The following ELOVL5 variants were observed in gnomAD, a reference collection of about 807,000 sequenced individuals.
ELOVL5 encodes the protein ELOVL fatty acid elongase 5, also known as very long chain fatty acid elongase 5.
A neutral mutation model predicts 38.6 loss-of-function variants in ELOVL5; 8 were observed. That is an observed-to-expected ratio of 0.21 (90% CI 0.12 to 0.37). ELOVL5 has a LOEUF of 0.37. Ranked by LOEUF, ELOVL5 falls within the 10% of genes least tolerant of loss-of-function variation. ELOVL5 has a pLI of 1.00. For missense variants in ELOVL5, 280 were observed against 367.8 expected (o/e 0.76, Z 1.95); for synonymous variants, 127 against 133.7 (o/e 0.95, Z 0.34).
intron 6 of ELOVL5, among the ~76,000 whole-genome samples, chr6:53,271,436 G>A (rs1191540795): frequency 1.3e-5 from 2 of 152,172 alleles, no homozygotes; most frequent in African/African-American, 4.8e-5. Context: ...GGTAGTCCCA[G>A]CTACTTGGGA....
At chr6:53,323,339 C>A (rs209500) in intron 1 of ELOVL5, among the ~76,000 whole-genome samples, 60,102 of 151,968 alleles carry the variant, frequency 0.4, 14,110 homozygotes, top group East Asian at 0.58. Context: ...TTAATTACAA[C>A]GTTTATGTGA....
chr6:53,348,003 C>G (rs1769637919), intron 1 of ELOVL5, among the ~76,000 whole-genome samples: 1 of 144,638 alleles, frequency 6.9e-6, no homozygotes, highest in African/African-American at 2.5e-5. Context: ...CTCTAGCTCC[C>G]CCGGCGCAGA....
At chr6:53,280,224 G>A (rs1039961919) in intron 3 of ELOVL5, among the ~76,000 whole-genome samples, 5 of 152,166 alleles carry the variant, frequency 3.3e-5, no homozygotes, top group Admixed American at 6.5e-5. Context: ...GAATCAGATC[G>A]AAAGAGGACA....
chr6:53,277,282 T>G (rs1339601619), intron 3 of ELOVL5, among the ~76,000 whole-genome samples: 1 of 152,052 alleles, frequency 6.6e-6, no homozygotes, highest in Non-Finnish European at 1.5e-5. Flanking sequence ...ATCTGATTTT[T>G]CTTTGGTTAT....
At chr6:53,323,488 A>G (rs1768378503) in intron 1 of ELOVL5, among the ~76,000 whole-genome samples, 1 of 151,856 alleles carries the variant, frequency 6.6e-6, no homozygotes, top group African/African-American at 2.4e-5. Context: ...CAGTGATAAC[A>G]TGATCTCAGT....
rs1581951507 is a variant in ELOVL5, at chr6:53,302,015, G to A, written c.-8-6308C>T. Among the ~76,000 whole-genome samples, 3 of 152,212 alleles carry A rather than the reference G, an allele frequency of 2.0e-5. No individual in the cohort carries two copies. The South Asian group carries it at 6.2e-4, about 32-fold the overall frequency. ...CCCCACCACCATGGATCAGTTCTGCGCTCCTGGCTAGTTCCCTCCCCATGT... is the reference window on the plus strand; with the variant it reads ...CCCCACCACCATGGATCAGTTCTGCACTCCTGGCTAGTTCCCTCCCCATGT... On this transcript the variant is annotated intron_variant, in intron 1 of 7. Transcript: ENST00000304434.
At chr6:53,292,410 T>A (rs1338159846) in intron 2 of ELOVL5, among the ~76,000 whole-genome samples, 2 of 152,246 alleles carry the variant, frequency 1.3e-5, no homozygotes, top group Non-Finnish European at 2.9e-5. Flanking sequence ...ACGTGCTGCT[T>A]AGCCACGTTA....
At chr6:53,280,787 G>T (rs1226760973) in intron 3 of ELOVL5, among the ~76,000 whole-genome samples, 1 of 152,108 alleles carries the variant, frequency 6.6e-6, no homozygotes, top group African/African-American at 2.4e-5. Context: ...TAAAGATGGG[G>T]TTTCACCATG....
intron 1 of ELOVL5, among the ~76,000 whole-genome samples, chr6:53,344,327 C>T (rs941472172): frequency 6.6e-6 from 1 of 152,152 alleles, no homozygotes; most frequent in African/African-American, 2.4e-5. Context: ...CAGTCTCTCA[C>T]AATTACCTCT....
At chr6:53,302,738 G>A (rs1767308729) in intron 1 of ELOVL5, among the ~76,000 whole-genome samples, 1 of 149,882 alleles carries the variant, frequency 6.7e-6, no homozygotes, top group South Asian at 2.1e-4. Context: ...AAACAGTAAA[G>A]ATATTTTTAG....
At chr6:53,316,602 C>T (rs9349662) in intron 1 of ELOVL5, among the ~76,000 whole-genome samples, 55,114 of 151,540 alleles carry the variant, frequency 0.36, 11,142 homozygotes, top group African/African-American at 0.55. Context: ...GTTAAAAAAA[C>T]GACTGCAAGA....
At chr6:53,274,626 C>T (rs561367709) in intron 5 of ELOVL5, among the ~76,000 whole-genome samples, 2 of 152,186 alleles carry the variant, frequency 1.3e-5, no homozygotes, top group African/African-American at 4.8e-5. Context: ...ATAGAAGACA[C>T]CTTGATCACC....
intron 1 of ELOVL5, among the ~76,000 whole-genome samples, chr6:53,329,387 G>C (rs964022960): frequency 1.3e-5 from 2 of 151,950 alleles, no homozygotes; most frequent in African/African-American, 2.4e-5. Flanking sequence ...TTTAAAATTG[G>C]TTTCTAATAA....
At chr6:53,310,680 A>G (rs550421551) in intron 1 of ELOVL5, among the ~76,000 whole-genome samples, 1 of 152,264 alleles carries the variant, frequency 6.6e-6, no homozygotes, top group Admixed American at 6.5e-5. Flanking sequence ...GGCTCAAGCA[A>G]TCTGCCTGCC....
intron 1 of ELOVL5, among the ~76,000 whole-genome samples, chr6:53,343,638 CATTTTAAAGGAA>C (rs1261818810): frequency 6.6e-6 from 1 of 152,174 alleles, no homozygotes; most frequent in Non-Finnish European, 1.5e-5. Context: ...TTTAATCTTT[CATTTTAAAGGAA>C]AAGAGACCAA....
chr6:53,311,171 G>A (rs564648056), intron 1 of ELOVL5, among the ~76,000 whole-genome samples: 1 of 152,266 alleles, frequency 6.6e-6, no homozygotes, highest in East Asian at 1.9e-4. Flanking sequence ...CCTAGAGACA[G>A]CCAACTGACA....
chr6:53,313,448 C>T (rs562334009), intron 1 of ELOVL5, among the ~76,000 whole-genome samples: 53 of 152,264 alleles, frequency 3.5e-4, no homozygotes, highest in Non-Finnish European at 6.3e-4. Flanking sequence ...GCAGCCTCAA[C>T]CTCCCGGGCT....
chr6:53,273,484 G>T, intron 5 of ELOVL5, 140 bp from the exon 6 acceptor site: 1 of 725,512 alleles, frequency 1.4e-6, no homozygotes. Context: ...CACTGCAACA[G>T]CAAGCAATGC....
intron 3 of ELOVL5, among the ~76,000 whole-genome samples, chr6:53,278,335 C>G (rs1322524994): frequency 6.6e-6 from 1 of 152,046 alleles, no homozygotes; most frequent in Non-Finnish European, 1.5e-5. Flanking sequence ...CAAGGTAGCT[C>G]TCTGGAGAAG....
Sources: gnomAD v4.1 joint callset for allele counts (sites outside exome capture counted in the v4.1 genomes callset) on GRCh38, gnomAD v4.1.1 for gene constraint, MANE v1.5 for transcripts, NCBI Gene and HGNC (gene_info 2026-07-23, HGNC 2026-07-21) for gene names.